The following HCRTR2 variants were observed in gnomAD, a reference collection of about 807,000 sequenced individuals.
HCRTR2 encodes the protein orexin receptor type 2.
A neutral mutation model predicts 49.0 loss-of-function variants in HCRTR2; 22 were observed. The observed-to-expected ratio is 0.45, with a 90% CI of 0.32 to 0.64. The LOEUF (loss-of-function observed/expected upper bound fraction) is 0.64. HCRTR2 is among the 30% of genes least tolerant of loss of function. The pLI is 0.04. For synonymous variants in HCRTR2, 236 were observed against 205.3 expected (o/e 1.15, Z -1.28); for missense variants, 491 against 559.4 (o/e 0.88, Z 1.23).
chr6:55,132,354 T>C (rs1456995025), intron 1 of HCRTR2, among the ~76,000 whole-genome samples: 2 of 151,862 alleles, frequency 1.3e-5, no homozygotes, highest in Non-Finnish European at 2.9e-5. Context: ...CTATAGACTG[T>C]CTGAAGTGCA....
At chr6:55,133,794 C>T (rs1764395693) in intron 1 of HCRTR2, among the ~76,000 whole-genome samples, 4 of 151,636 alleles carry the variant, frequency 2.6e-5, no homozygotes, top group Admixed American at 2.6e-4. Flanking sequence ...TACTTGGTTA[C>T]CTTTAATATT....
At chr6:55,134,922 G>C (rs1272756739) in intron 1 of HCRTR2, among the ~76,000 whole-genome samples, 1 of 151,694 alleles carries the variant, frequency 6.6e-6, no homozygotes, top group Non-Finnish European at 1.5e-5. Flanking sequence ...TCCATACTTT[G>C]GCAATTATTA....
intron 1 of HCRTR2, among the ~76,000 whole-genome samples, chr6:55,148,826 T>A (rs904442784): frequency 1.1e-4 from 17 of 152,114 alleles, no homozygotes; most frequent in Admixed American, 1.0e-3. Flanking sequence ...TAAACACATA[T>A]GGGAATCACA....
upstream of HCRTR2, among the ~76,000 whole-genome samples, chr6:55,173,429 T>C (rs192661818): frequency 3.9e-5 from 6 of 152,302 alleles, no homozygotes; most frequent in East Asian, 1.2e-3. Context: ...TGTAATTACT[T>C]AAATGCAATA....
At chr6:55,248,173 C>A (rs986041248) in intron 1 of HCRTR2, among the ~76,000 whole-genome samples, 1 of 152,062 alleles carries the variant, frequency 6.6e-6, no homozygotes, top group African/African-American at 2.4e-5. Context: ...TTAGCTCTTA[C>A]CTTAAAAAAT....
chr6:55,183,019 G>A (rs1424138568), intron 1 of HCRTR2, among the ~76,000 whole-genome samples: 4 of 152,134 alleles, frequency 2.6e-5, no homozygotes, highest in African/African-American at 4.8e-5. Flanking sequence ...TTGCGATTTG[G>A]GTCTCTGACA....
At chr6:55,157,825 T>A (rs1012333485) in intron 1 of HCRTR2, among the ~76,000 whole-genome samples, 1 of 152,228 alleles carries the variant, frequency 6.6e-6, no homozygotes, top group African/African-American at 2.4e-5. Context: ...GTTTCCCCAG[T>A]GCAGATATGA....
chr6:55,129,524 A>G lies in HCRTR2; in HGVS notation c.-378+22979A>G, dbSNP rs535391236. On this transcript the variant is annotated intron_variant, in intron 1 of 7. Coordinates refer to the HCRTR2 transcript ENST00000615358. ...GTGATGGAACATTGCCAAAAATGGC[A>G]GTATTAGTCATAAAAACTAGAAATT... is the stretch of plus-strand genomic sequence containing the variant. 2.1e-4 allele frequency among the ~76,000 whole-genome samples: 32 copies of G among 152,266 alleles called. No homozygotes were observed. The East Asian group carries it at 6.2e-3, about 29-fold the overall frequency.
At chr6:55,250,676 A>T (rs9357854) in intron 2 of HCRTR2, among the ~76,000 whole-genome samples, 26,329 of 152,146 alleles carry the variant, frequency 0.17, 2,775 homozygotes, top group Non-Finnish European at 0.24. Flanking sequence ...AAGCAGTGTA[A>T]CCAGTGAGTG....
At chr6:55,205,218 G>C (rs1276932759) in intron 1 of HCRTR2, among the ~76,000 whole-genome samples, 1 of 152,092 alleles carries the variant, frequency 6.6e-6, no homozygotes, top group Non-Finnish European at 1.5e-5. Flanking sequence ...GCACATACTT[G>C]GTATCTAAAG....
upstream of HCRTR2, among the ~76,000 whole-genome samples, chr6:55,169,612 G>A (rs1278893339): frequency 1.3e-5 from 2 of 152,060 alleles, no homozygotes; most frequent in Non-Finnish European, 2.9e-5. Flanking sequence ...TGTAGTATTT[G>A]GAGCCTAGAG....
chr6:55,185,480 A>C (rs1765201706), intron 1 of HCRTR2, among the ~76,000 whole-genome samples: 1 of 152,240 alleles, frequency 6.6e-6, no homozygotes, highest in Admixed American at 6.5e-5. Flanking sequence ...GAGAATAAAA[A>C]TTTAAGAACT....
intron 1 of HCRTR2, among the ~76,000 whole-genome samples, chr6:55,129,123 G>T (rs961165993): frequency 6.6e-6 from 1 of 152,160 alleles, no homozygotes; most frequent in South Asian, 2.1e-4. Context: ...ATGATGCTTT[G>T]TTTATGCTAA....
chr6:55,172,612 C>T (rs577638760), upstream of HCRTR2, among the ~76,000 whole-genome samples: 10 of 151,992 alleles, frequency 6.6e-5, no homozygotes, highest in African/African-American at 1.9e-4. Context: ...GTACTATGTC[C>T]CAAAAAGTAT....
At chr6:55,227,687 A>C (rs775717349) in intron 1 of HCRTR2, among the ~76,000 whole-genome samples, 2 of 152,258 alleles carry the variant, frequency 1.3e-5, no homozygotes, top group East Asian at 3.9e-4. Flanking sequence ...TAGTCTCCCC[A>C]TGGTGCATAA....
chr6:55,199,281 G>A (rs551737497), intron 1 of HCRTR2, among the ~76,000 whole-genome samples: 2 of 149,572 alleles, frequency 1.3e-5, no homozygotes, highest in East Asian at 2.0e-4. Flanking sequence ...TTTTTTTAAT[G>A]CAGCATGTCA....
At chr6:55,266,775 TC>T (rs1305904808) in intron 4 of HCRTR2, among the ~76,000 whole-genome samples, 2 of 152,100 alleles carry the variant, frequency 1.3e-5, no homozygotes. Flanking sequence ...CATGGTACCA[TC>T]AGAGAAAATG....
intron 1 of HCRTR2, among the ~76,000 whole-genome samples, chr6:55,178,494 T>A (rs192741594): frequency 6.6e-6 from 1 of 152,292 alleles, no homozygotes; most frequent in Admixed American, 6.5e-5. Context: ...TATAAAGACA[T>A]ATAAAGGGAC....
chr6:55,122,097 CT>C (rs1324023947), intron 1 of HCRTR2, among the ~76,000 whole-genome samples: 3 of 152,056 alleles, frequency 2.0e-5, no homozygotes, highest in Non-Finnish European at 4.4e-5. Flanking sequence ...TGGTCCTGGA[CT>C]TTTTTTGGTT....
Sources: gnomAD v4.1 joint callset for allele counts (sites outside exome capture counted in the v4.1 genomes callset) on GRCh38, gnomAD v4.1.1 for gene constraint, MANE v1.5 for transcripts, NCBI Gene and HGNC (gene_info 2026-07-23, HGNC 2026-07-21) for gene names.